CTNNA2: variants seen among roughly 807,000 people sequenced by gnomAD.
CTNNA2 encodes the protein catenin alpha-2.
CTNNA2 carries 42 observed loss-of-function variants against 101.0 expected under a neutral mutation model. That is an observed-to-expected ratio of 0.42 (90% CI 0.32 to 0.54). CTNNA2 has a LOEUF of 0.54. Among genes scored for constraint, CTNNA2 ranks in the 20% least tolerant of loss-of-function variants. The probability of loss-of-function intolerance (pLI) is 0.14; values close to 1 mark genes in which losing one functional copy is unlikely to be tolerated. For synonymous variants in CTNNA2, 450 were observed against 456.4 expected (o/e 0.99, Z 0.18); for missense variants, 871 against 1,223.1 (o/e 0.71, Z 4.29).
At chr2:79,201,865 C>T (rs1674039717) in intron 2 of CTNNA2, among the ~76,000 whole-genome samples, 1 of 152,102 alleles carries the variant, frequency 6.6e-6, no homozygotes, top group African/African-American at 2.4e-5. Context: ...CATGACATAG[C>T]CTCAGGAAAT....
chr2:80,205,492 T>G (rs1321112081), intron 7 of CTNNA2, among the ~76,000 whole-genome samples: 3 of 152,192 alleles, frequency 2.0e-5, no homozygotes, highest in Admixed American at 6.5e-5. Context: ...GGAAATTCAT[T>G]TCAGAAGGTA....
At chr2:80,623,311 T>C (rs1420947077) in intron 18 of CTNNA2, among the ~76,000 whole-genome samples, 1 of 151,892 alleles carries the variant, frequency 6.6e-6, no homozygotes, top group East Asian at 1.9e-4. Flanking sequence ...ATAGTAATCA[T>C]TTTAAAAGAC....
At chr2:79,199,406 A>C (rs1337209745) in intron 2 of CTNNA2, among the ~76,000 whole-genome samples, 1 of 152,206 alleles carries the variant, frequency 6.6e-6, no homozygotes, top group African/African-American at 2.4e-5. Context: ...CCAAAAAAGA[A>C]AAGTGTTTTG....
intron 7 of CTNNA2, among the ~76,000 whole-genome samples, chr2:80,121,459 C>G (rs1701825971): frequency 6.6e-6 from 1 of 152,130 alleles, no homozygotes; most frequent in African/African-American, 2.4e-5. Context: ...GTATTAACGT[C>G]TATCAGAACC....
At chr2:79,405,714 C>T (rs1678334108) in intron 4 of CTNNA2, among the ~76,000 whole-genome samples, 2 of 151,928 alleles carry the variant, frequency 1.3e-5, no homozygotes, top group African/African-American at 4.8e-5. Flanking sequence ...ATGTGTATAC[C>T]ATGTATTCTG....
intron 1 of CTNNA2, among the ~76,000 whole-genome samples, chr2:79,528,920 G>A (rs1175549156): frequency 6.6e-6 from 1 of 152,136 alleles, no homozygotes; most frequent in Admixed American, 6.6e-5. Flanking sequence ...TAGCGGGAAA[G>A]TGCGGCCCGT....
chr2:80,114,491 T>C lies in CTNNA2; in HGVS notation c.1056+204694T>C, dbSNP rs1701404874. ...GATCTGTGTTCCAGCCTCGTGGCCA[T>C]ACCCACTGGCCATATCCTCTGCTCA... On this transcript the variant is annotated intron_variant, in intron 7 of 18. Coordinates refer to ENST00000402739, the MANE Select transcript of CTNNA2 (RefSeq NM_001282597.3). Among the ~76,000 whole-genome samples the C allele has an allele frequency of 2.0e-5, 3 of 152,170 alleles. No individual in the cohort carries two copies. The South Asian group carries it at 6.2e-4, about 32-fold the overall frequency.
At chr2:79,589,486 A>T (rs1168370228) in intron 1 of CTNNA2, among the ~76,000 whole-genome samples, 1 of 152,086 alleles carries the variant, frequency 6.6e-6, no homozygotes, top group Non-Finnish European at 1.5e-5. Context: ...TTAAAAATTC[A>T]TTAGCCTCCA....
chr2:79,623,372 T>C (rs2104302032), intron 1 of CTNNA2, among the ~76,000 whole-genome samples: 1 of 152,310 alleles, frequency 6.6e-6, no homozygotes, highest in South Asian at 2.1e-4. Context: ...GTAGCCCATG[T>C]ACAATTTTAA....
At chr2:79,233,907 C>T (rs189315840) in intron 2 of CTNNA2, among the ~76,000 whole-genome samples, 215 of 150,930 alleles carry the variant, frequency 1.4e-3, no homozygotes, top group African/African-American at 4.8e-3. Context: ...GATTATTCTC[C>T]GTTCCTTTAC....
At chr2:79,319,408 A>G (rs1410599460) in intron 3 of CTNNA2, among the ~76,000 whole-genome samples, 1 of 152,146 alleles carries the variant, frequency 6.6e-6, no homozygotes, top group African/African-American at 2.4e-5. Context: ...ACTCTGTCAT[A>G]TTGCCATATT....
At chr2:80,350,287 C>T (rs989449607) in intron 7 of CTNNA2, among the ~76,000 whole-genome samples, 4 of 152,158 alleles carry the variant, frequency 2.6e-5, no homozygotes, top group African/African-American at 4.8e-5. Context: ...AGGACATTTA[C>T]ACAGATTTCC....
chr2:79,964,069 C>T (rs1689848632), intron 7 of CTNNA2, among the ~76,000 whole-genome samples: 1 of 131,918 alleles, frequency 7.6e-6, no homozygotes, highest in African/African-American at 2.8e-5. Flanking sequence ...AGCTCTAAGA[C>T]CACACATTCT....
At chr2:79,777,005 T>G (rs564219336) in intron 3 of CTNNA2, 8 of 152,342 alleles carry the variant, frequency 5.3e-5, no homozygotes, top group Non-Finnish European at 1.0e-4. Flanking sequence ...CTCGTGTATG[T>G]GAGACCTGCT....
chr2:79,953,754 G>A (rs1207660033), intron 7 of CTNNA2, among the ~76,000 whole-genome samples: 1 of 152,250 alleles, frequency 6.6e-6, no homozygotes, highest in Middle Eastern at 3.4e-3. Context: ...GGATTGAAGG[G>A]AATGATATTT....
intron 7 of CTNNA2, among the ~76,000 whole-genome samples, chr2:80,036,363 G>A (rs966335561): frequency 6.6e-6 from 1 of 152,298 alleles, no homozygotes; most frequent in African/African-American, 2.4e-5. Flanking sequence ...GGAGGCCAAG[G>A]TGGGAAGATT....
At chr2:80,378,544 T>G (rs1676202238) in intron 7 of CTNNA2, 1 of 152,108 alleles carries the variant, frequency 6.6e-6, no homozygotes. Flanking sequence ...GTGTTGTATA[T>G]ATGATTAACA....
intron 9 of CTNNA2, among the ~76,000 whole-genome samples, chr2:80,447,037 A>G: frequency 6.6e-6 from 1 of 152,182 alleles, no homozygotes; most frequent in East Asian, 1.9e-4. Context: ...ACCACCATGA[A>G]TATGTTCACT....
chr2:80,588,933 G>A (rs1156511297), intron 14 of CTNNA2, among the ~76,000 whole-genome samples: 2 of 152,112 alleles, frequency 1.3e-5, no homozygotes, highest in South Asian at 2.1e-4. Flanking sequence ...ACAGATTTCA[G>A]TGTTGAAAGA....
Sources: gnomAD v4.1 joint callset for allele counts (sites outside exome capture counted in the v4.1 genomes callset) on GRCh38, gnomAD v4.1.1 for gene constraint, MANE v1.5 for transcripts, NCBI Gene and HGNC (gene_info 2026-07-23, HGNC 2026-07-21) for gene names.